The following ACOXL variants were observed in gnomAD, a reference collection of about 807,000 sequenced individuals.
The protein encoded by ACOXL is acyl-CoA oxidase like.
A neutral mutation model predicts 71.9 loss-of-function variants in ACOXL; 70 were observed. The ratio of observed to expected loss-of-function variants is 0.97; its 90% confidence interval spans 0.80 to 1.19. The LOEUF is 1.19. Ranked by LOEUF, ACOXL falls within the 50% of genes most tolerant of loss-of-function variation. The pLI is 0.00. For synonymous variants in ACOXL, 253 were observed against 281.6 expected, an observed-to-expected ratio of 0.90 and a Z score of 1.02; for missense variants, 703 against 736.3, an observed-to-expected ratio of 0.95 and a Z score of 0.52.
chr2:111,041,868 T>G (rs2065803102), intron 15 of ACOXL, among the ~76,000 whole-genome samples: 1 of 152,202 alleles, frequency 6.6e-6, no homozygotes, highest in African/African-American at 2.4e-5. Context: ...GTGCTCTGTC[T>G]CCCGACTTTG....
Position 110,805,361 on chromosome 2 carries a change from T to A in ACOXL, c.719T>A (p.Leu240Ter). Residue 240 changes from leucine (L) to a stop codon, truncating the protein, a stop_gained, in exon 9 of 18, where the codon TTA becomes TAA. Coordinates refer to ENST00000439055, the MANE Select transcript of ACOXL (RefSeq NM_001142807.4). LOFTEE classifies it high-confidence loss of function. ...CTGGCAGCACTGACCCCTTCGAGAT[T>A]AGCTGTGGCTTTCCAAGCTATGGGT... The part of the protein sequence containing the change: ...AMLAALTPSR[L>*]AVAFQAMGAM... 3 of 1,614,224 alleles carry A rather than the reference T, an allele frequency of 1.9e-6. No individual in the cohort carries two copies. Among genetic ancestry groups the A allele is most frequent in the South Asian group, 1.1e-5 (1 of 91,088 alleles).
chr2:110,761,349 A>G (rs1680379416), intron 1 of ACOXL, among the ~76,000 whole-genome samples: 1 of 152,244 alleles, frequency 6.6e-6, no homozygotes, highest in African/African-American at 2.4e-5. Flanking sequence ...GGTTCTGAGA[A>G]TGTTGATTAA....
At chr2:110,785,469 C>A (rs192928045) in intron 3 of ACOXL, among the ~76,000 whole-genome samples, 9 of 151,286 alleles carry the variant, frequency 5.9e-5, no homozygotes, top group Admixed American at 4.6e-4. Context: ...TAGAACTGTT[C>A]CATCATCAGA....
rs565775434 is a variant in ACOXL, at chr2:110,815,588, TC to T, written c.753+10197del. On this transcript the variant is annotated intron_variant, in intron 9 of 17. Transcript: ENST00000439055. ...GCCATGTCTGTAATAAGGAGCAAAG[TC>T]CCCTGCTTCTGTGAAGATATGTGGC... Among the ~76,000 whole-genome samples the T allele has an allele frequency of 1.2e-3, 176 of 152,304 alleles. 1 individual carries two copies. Among genetic ancestry groups the T allele is most frequent in the Middle Eastern group, 0.01 (3 of 292 alleles).
intron 1 of ACOXL, among the ~76,000 whole-genome samples, chr2:110,749,734 A>T (rs1678677835): frequency 6.6e-6 from 1 of 152,176 alleles, no homozygotes; most frequent in Non-Finnish European, 1.5e-5. Flanking sequence ...TCTCAGAAAA[A>T]CAAAGCAGCA....
At chr2:111,086,884 GA>G (rs1434820909) in intron 16 of ACOXL, among the ~76,000 whole-genome samples, 5 of 152,166 alleles carry the variant, frequency 3.3e-5, no homozygotes, top group Non-Finnish European at 5.9e-5. Flanking sequence ...CAGACAACAT[GA>G]TTCTATGTCT....
At chr2:111,101,050 C>T (rs1441983340) in intron 17 of ACOXL, 1 of 152,620 alleles carries the variant, frequency 6.6e-6, no homozygotes, top group Non-Finnish European at 1.5e-5. Flanking sequence ...TTGCCAATGG[C>T]ATCTTGCTTT....
intron 10 of ACOXL, among the ~76,000 whole-genome samples, chr2:110,851,400 T>C (rs1692582896): frequency 6.6e-6 from 1 of 152,196 alleles, no homozygotes; most frequent in African/African-American, 2.4e-5. Flanking sequence ...GGGTTCTTTA[T>C]GTGGAATTAC....
At chr2:110,802,274 G>A (rs935913464) in intron 8 of ACOXL, among the ~76,000 whole-genome samples, 1 of 152,198 alleles carries the variant, frequency 6.6e-6, no homozygotes, top group African/African-American at 2.4e-5. Context: ...AGTGGCAGAG[G>A]ATAAGGCACC....
At chr2:110,818,477 ATGTG>A (rs1167887854) in intron 9 of ACOXL, among the ~76,000 whole-genome samples, 1 of 127,008 alleles carries the variant, frequency 7.9e-6, no homozygotes, top group Admixed American at 8.4e-5. Flanking sequence ...GTATATGTGT[ATGTG>A]TGTATATATA....
At chr2:111,095,485 G>A (rs923972887) in intron 17 of ACOXL, among the ~76,000 whole-genome samples, 2 of 142,068 alleles carry the variant, frequency 1.4e-5, no homozygotes, top group African/African-American at 2.6e-5. Flanking sequence ...TCGGCCTCCC[G>A]GGCTCAAGTG....
rs1246083426 is a variant in ACOXL at position 110,818,834 on chromosome 2, C to T, written c.753+13439C>T. ...CTGAAATGATTTCAGGTGCTGATGT[C>T]AGCACCCTGGGAGCACACGGAAGCT... On this transcript the variant is annotated intron_variant, in intron 9 of 17. Coordinates refer to ENST00000439055, the MANE Select transcript of ACOXL (RefSeq NM_001142807.4). Among the ~76,000 whole-genome samples, 2 of 127,464 alleles carry T rather than the reference C, an allele frequency of 1.6e-5. 1 individual carries two copies. Among genetic ancestry groups the T allele is most frequent in the East Asian group, 4.5e-4 (2 of 4,406 alleles). The allele number at this position is 127,464 out of a possible 152,430, so 83.6% of individuals were successfully genotyped here. A position where few individuals can be genotyped will look rare whatever the true frequency, so the allele number is the denominator to read the frequency against.
intron 17 of ACOXL, among the ~76,000 whole-genome samples, chr2:111,114,959 T>C (rs2070246132): frequency 6.6e-6 from 1 of 152,180 alleles, no homozygotes; most frequent in African/African-American, 2.4e-5. Flanking sequence ...GCAGATATTC[T>C]CAAATTCCAC....
Position 110,851,519 on chromosome 2 carries a change from C to T in ACOXL, c.788+10114C>T, listed in dbSNP as rs181338295. On this transcript the variant is annotated intron_variant, in intron 10 of 17. Transcript: ENST00000439055. ...TGACTGCACTCAGTTTAGCCCATTCCTCTTTCTAAGGCGTTCCACGACAAC... is the reference window on the plus strand; with the variant it reads ...TGACTGCACTCAGTTTAGCCCATTCTTCTTTCTAAGGCGTTCCACGACAAC... Among the ~76,000 whole-genome samples the T allele has an allele frequency of 8.5e-5, 13 of 152,316 alleles. No individual in the cohort carries two copies. The East Asian group carries it at 2.5e-3, about 29-fold the overall frequency.
chr2:110,782,677 A>T (rs915594942), intron 2 of ACOXL, among the ~76,000 whole-genome samples: 6 of 152,238 alleles, frequency 3.9e-5, no homozygotes, highest in Non-Finnish European at 7.3e-5. Flanking sequence ...ATTAATTTCA[A>T]AGTGGTGAGT....
chr2:110,997,495 G>A, intron 14 of ACOXL, among the ~76,000 whole-genome samples: 1 of 152,102 alleles, frequency 6.6e-6, no homozygotes, highest in East Asian at 1.9e-4. Flanking sequence ...GGAGTAATAA[G>A]TACTCCTCTA....
intron 17 of ACOXL, among the ~76,000 whole-genome samples, chr2:111,106,759 G>T (rs1287233023): frequency 6.6e-6 from 1 of 152,154 alleles, no homozygotes; most frequent in Admixed American, 6.5e-5. Context: ...TCTCTACTTA[G>T]TCTCTGTTGA....
chr2:110,988,515 A>T (rs1369366879), intron 13 of ACOXL, among the ~76,000 whole-genome samples: 1 of 151,990 alleles, frequency 6.6e-6, no homozygotes, highest in African/African-American at 2.4e-5. Context: ...TGTTTGAAAA[A>T]CACTCCCCTA....
chr2:111,050,737 C>T (rs2066249652), intron 16 of ACOXL, among the ~76,000 whole-genome samples: 2 of 152,182 alleles, frequency 1.3e-5, no homozygotes, highest in Admixed American at 1.3e-4. Flanking sequence ...GCGACAGAGC[C>T]CAGCCCCAGA....
Sources: gnomAD v4.1 joint callset for allele counts (sites outside exome capture counted in the v4.1 genomes callset) on GRCh38, gnomAD v4.1.1 for gene constraint, MANE v1.5 for transcripts, NCBI Gene and HGNC (gene_info 2026-07-23, HGNC 2026-07-21) for gene names.